Variants in ADGRB1 observed in about 807,000 individuals in gnomAD.
ADGRB1 encodes the protein adhesion G protein-coupled receptor B1.
Under a neutral mutation model 175.7 loss-of-function variants are expected in ADGRB1, and 36 were observed. The observed-to-expected ratio is 0.20, with a 90% CI of 0.16 to 0.27. The LOEUF is 0.27. Ranked by LOEUF, ADGRB1 falls within the 10% of genes least tolerant of loss-of-function variation. The pLI is 1.00. For missense variants in ADGRB1, 1,731 were observed against 2,255.3 expected, an observed-to-expected ratio of 0.77 and a Z score of 4.71; for synonymous variants, 1,054 against 979.4, an observed-to-expected ratio of 1.08 and a Z score of -1.42.
At chr8:142,540,908 C>T (rs1241383046) in intron 27 of ADGRB1, among the ~76,000 whole-genome samples, 6 of 151,942 alleles carry the variant, frequency 3.9e-5, no homozygotes, top group Non-Finnish European at 8.8e-5. Context: ...CTGCTGAGCT[C>T]TGAGGGGGAC....
intron 17 of ADGRB1, among the ~76,000 whole-genome samples, chr8:142,505,301 A>AGGG (rs1038746290): frequency 6.6e-6 from 1 of 152,204 alleles, no homozygotes. Flanking sequence ...GGTGCAGGGC[A>AGGG]GGGGCCCCAA....
In ADGRB1 at chr8:142,518,218, C is replaced by T. The variant is rs1264506962; in HGVS notation, c.2898C>T (p.Val966=). The part of the protein sequence containing the change: ...GVSSLTLLML[V]IIYVSVWRYI... ...CCTCTCTCACCCTGCTCATGCTGGT[C>T]ATCATCTACGTGTCCGTGTGGAGGT... Residue 966 remains valine (V), a synonymous_variant, in exon 19 of 31, where the codon GTC becomes GTT. Transcript: ENST00000517894. 1 of 1,613,804 alleles carries T rather than the reference C, an allele frequency of 6.2e-7. No individual in the cohort carries two copies. Among genetic ancestry groups the T allele is most frequent in the African/African-American group, 1.3e-5 (1 of 75,038 alleles).
chr8:142,516,007 C>T (rs1423755338), intron 18 of ADGRB1, among the ~76,000 whole-genome samples: 1 of 152,226 alleles, frequency 6.6e-6, no homozygotes, highest in East Asian at 1.9e-4. Flanking sequence ...GGTGGGTTGG[C>T]AGTGCTTCTG....
intron 23 of ADGRB1, 39 bp from the exon 24 acceptor site, chr8:142,526,503 G>GCCCCCCCCCCCCCCACC: frequency 2.4e-6 from 3 of 1,259,272 alleles, no homozygotes; most frequent in South Asian, 1.3e-5. Context: ...GCCTACGGCG[G>GCCCCCCCCCCCCCCACC]CCCCCACCCC....
At chr8:142,491,967 G>A (rs1279243742) in intron 17 of ADGRB1, among the ~76,000 whole-genome samples, 2 of 152,046 alleles carry the variant, frequency 1.3e-5, no homozygotes, top group Admixed American at 6.6e-5. Flanking sequence ...GCAGGGAGCC[G>A]GCCAGGAGGA....
Position 142,533,413 on chromosome 8 carries a change from G to C in ADGRB1, c.3517G>C (p.Asp1173His). The C allele has an allele frequency of 6.2e-7, 1 of 1,612,570 alleles. No homozygotes were observed. Among genetic ancestry groups the C allele is most frequent in the South Asian group, 1.1e-5 (1 of 91,056 alleles). Residue 1173 changes from aspartate (D) to histidine (H), a missense_variant, in exon 25 of 31, where the codon GAC (aspartate) becomes CAC (histidine). By Grantham distance (81) the Asp-to-His change is moderately conservative. Coordinates refer to ENST00000517894, the MANE Select transcript of ADGRB1 (RefSeq NM_001702.3). ...ALFQILFAVF[D>H]SLEGFVIVMV... is the part of the protein sequence containing the mutation. ...CTTCCAGATCCTCTTCGCTGTCTTC[G>C]ACTCGCTGGAGGGCTTCGTCATCGT...
At position 142,516,662 on chromosome 8, in the gene ADGRB1, TGG is replaced by T. The variant is rs71313225; in HGVS notation, c.2818-1474_2818-1473del. ...TCCCAGGTGTGTGTGTGTGTGTGTGTGGGTCCCAGGTGCATGCCTGTGTGCGG... is the reference window on the plus strand; with the variant it reads ...TCCCAGGTGTGTGTGTGTGTGTGTGTGTCCCAGGTGCATGCCTGTGTGCGG... On this transcript the variant is annotated intron_variant, in intron 18 of 30. Transcript: ENST00000517894. 1.3e-4 allele frequency among the ~76,000 whole-genome samples: 16 copies of T among 126,666 alleles called. 1 individual carries two copies. The highest frequency in any genetic ancestry group is 3.1e-4 in the Admixed American group (4 of 12,768). The allele number at this position is 126,666 out of a possible 152,430, so 83.1% of individuals were successfully genotyped here. A position where few individuals can be genotyped will look rare whatever the true frequency, so the allele number is the denominator to read the frequency against.
chr8:142,467,392 A>C (rs1840342909), intron 2 of ADGRB1, among the ~76,000 whole-genome samples: 1 of 152,184 alleles, frequency 6.6e-6, no homozygotes, highest in South Asian at 2.1e-4. Flanking sequence ...GTGGGAGGGA[A>C]GAGGAGGGCC....
In ADGRB1 at chr8:142,544,677, C is replaced by G. The variant is rs1159675348; in HGVS notation, c.*260C>G. On this transcript the variant is annotated 3_prime_UTR_variant, in exon 31 of 31. Transcript: ENST00000517894. Reference sequence around the variant, plus strand: ...GACTCCGCCCTCCTCGGGCCGAGGCCCAGCGGGCAGATGGGCGGACGGCTG... The same window carrying G: ...GACTCCGCCCTCCTCGGGCCGAGGCGCAGCGGGCAGATGGGCGGACGGCTG... The G allele has an allele frequency of 8.6e-6, 3 of 350,684 alleles. No individual in the cohort carries two copies. The highest frequency in any genetic ancestry group is 5.1e-6 in the Non-Finnish European group (1 of 197,928). 21.7% of individuals were successfully genotyped at this position (350,684 alleles called of 1,614,324 possible). A position where few individuals can be genotyped will look rare whatever the true frequency, so the allele number is the denominator to read the frequency against.
At chr8:142,453,029 C>T (rs1253387802) in intron 1 of ADGRB1, among the ~76,000 whole-genome samples, 1 of 107,924 alleles carries the variant, frequency 9.3e-6, no homozygotes, top group Admixed American at 8.7e-5. Context: ...CTCCCTCCCG[C>T]CCGCCCGCCC....
At chr8:142,476,408 A>AG (rs1840977603) in intron 3 of ADGRB1, among the ~76,000 whole-genome samples, 177 bp from the exon 4 acceptor site, 1 of 152,156 alleles carries the variant, frequency 6.6e-6, no homozygotes, top group South Asian at 2.1e-4. Flanking sequence ...ACCCACAGGA[A>AG]GGGTCCCCTG....
rs778160274 is a variant in ADGRB1 at position 142,518,099 on chromosome 8, G to C, written c.2818-39G>C. ...TCGGGTCTGCCGAGTGGGCGAGTGG[G>C]GTGCCTCACTCCCTGCGGTCTCTTC... On this transcript the variant is annotated intron_variant, in intron 18 of 30. Coordinates refer to ENST00000517894, the MANE Select transcript of ADGRB1 (RefSeq NM_001702.3). 1.9e-6 allele frequency: 3 copies of C among 1,595,412 alleles called. No homozygotes were observed. In the East Asian group the frequency reaches 6.7e-5, roughly 36 times the overall value.
intron 2 of ADGRB1, among the ~76,000 whole-genome samples, chr8:142,467,295 C>G (rs1436086850): frequency 1.3e-5 from 2 of 152,208 alleles, no homozygotes; most frequent in African/African-American, 2.4e-5. Context: ...GATGTCAGCC[C>G]TGAGGGGAAG....
rs73714313 is a variant in ADGRB1, at chr8:142,533,532, C to G, written c.3570+66C>G. On this transcript the variant is annotated intron_variant, in intron 25 of 30. Coordinates refer to ENST00000517894, the MANE Select transcript of ADGRB1 (RefSeq NM_001702.3). ...TCCTGGGGCTGCCGAGTGGCCTCCT[C>G]CTTCCCCGAGGACCTCGGCAGGGAG... 4.7e-6 allele frequency: 7 copies of G among 1,495,638 alleles called. No homozygotes were observed. The African/African-American group carries it at 8.3e-5, about 18-fold the overall frequency. The allele number at this position is 1,495,638 out of a possible 1,614,324, so 92.6% of individuals were successfully genotyped here. A position where few individuals can be genotyped will look rare whatever the true frequency, so the allele number is the denominator to read the frequency against.
chr8:142,457,297 G>A (rs1839734338), intron 1 of ADGRB1, among the ~76,000 whole-genome samples: 1 of 152,226 alleles, frequency 6.6e-6, no homozygotes, highest in African/African-American at 2.4e-5. Flanking sequence ...GCCTTCTGCA[G>A]GTGGGGGGTC....
chr8:142,494,031 G>A (rs1235196726), intron 17 of ADGRB1, among the ~76,000 whole-genome samples: 6 of 152,218 alleles, frequency 3.9e-5, no homozygotes, highest in Admixed American at 1.3e-4. Flanking sequence ...GCACTTGGAT[G>A]GGAAAGAGTC....
chr8:142,516,266 G>C lies in ADGRB1; in HGVS notation c.2818-1872G>C, dbSNP rs1290570295. 1.3e-5 allele frequency among the ~76,000 whole-genome samples: 2 copies of C among 148,586 alleles called. 1 individual carries two copies. Among genetic ancestry groups the C allele is most frequent in the Non-Finnish European group, 3.0e-5 (2 of 67,152 alleles). ...GTGCGGGCCCCAGGTGCGTGCGTCT[G>C]TGCGGGCCCCAGTTGCGTGTGTGTG... On this transcript the variant is annotated intron_variant, in intron 18 of 30. Transcript: ENST00000517894.
rs369637081 is a variant in ADGRB1, at chr8:142,526,607, G to T, written c.3378G>T (p.Lys1126Asn). The change falls in exon 24 of 31, where the codon AAG becomes AAT. Residue 1126 changes from lysine (K) to asparagine (N), a missense_variant. Physicochemically the swap from Lys to Asn is moderately conservative, Grantham distance 94. Transcript: ENST00000517894. The stretch of plus-strand genomic sequence containing the variant: ...TGTCCAAAGACGGCATCACGGACAA[G>T]AAGCTGAAGGAGCGGGCAGGGTAGG... ...KLVSKDGITD[K>N]KLKERAGASL... 8.8e-6 allele frequency: 14 copies of T among 1,587,862 alleles called. No individual in the cohort carries two copies. The highest frequency in any genetic ancestry group is 1.2e-5 in the Non-Finnish European group (14 of 1,163,976).
chr8:142,490,459 A>G (rs1841928718), intron 16 of ADGRB1, among the ~76,000 whole-genome samples: 1 of 152,184 alleles, frequency 6.6e-6, no homozygotes, highest in Non-Finnish European at 1.5e-5. Context: ...GGGTCTTCCC[A>G]TCACCCTACT....
Sources: gnomAD v4.1 joint callset for allele counts (sites outside exome capture counted in the v4.1 genomes callset) on GRCh38, gnomAD v4.1.1 for gene constraint, MANE v1.5 for transcripts, NCBI Gene and HGNC (gene_info 2026-07-23, HGNC 2026-07-21) for gene names.